LRP1B: variants seen among roughly 807,000 people sequenced by gnomAD.
The protein encoded by LRP1B is low-density lipoprotein receptor-related protein 1B.
Under a neutral mutation model 556.6 loss-of-function variants are expected in LRP1B, and 217 were observed. The ratio of observed to expected loss-of-function variants is 0.39; its 90% CI spans 0.35 to 0.44. The LOEUF is 0.44. Among genes scored for constraint, LRP1B ranks in the 20% least tolerant of loss-of-function variants. The pLI is 1.00. For synonymous variants in LRP1B, 2,047 were observed against 1,865.8 expected, an observed-to-expected ratio of 1.10 and a Z score of -2.50; for missense variants, 5,053 against 5,620.8, an observed-to-expected ratio of 0.90 and a Z score of 3.23.
intron 6 of LRP1B, among the ~76,000 whole-genome samples, chr2:141,207,435 A>G (rs1334026490): frequency 3.9e-5 from 6 of 152,240 alleles, no homozygotes; most frequent in Non-Finnish European, 8.8e-5. Context: ...ATGGTAATGA[A>G]TTATTCTTAC....
At chr2:141,972,319 T>C (rs919975611) in intron 1 of LRP1B, among the ~76,000 whole-genome samples, 1 of 151,576 alleles carries the variant, frequency 6.6e-6, no homozygotes, top group Non-Finnish European at 1.5e-5. Flanking sequence ...TCTCAGATAA[T>C]TGTTAAATGT....
intron 41 of LRP1B, among the ~76,000 whole-genome samples, chr2:140,685,493 T>A (rs772579128): frequency 6.6e-4 from 100 of 152,238 alleles, no homozygotes; most frequent in African/African-American, 2.4e-3. Context: ...TTGTAACTGG[T>A]GAACAGGAGA....
intron 1 of LRP1B, among the ~76,000 whole-genome samples, chr2:142,029,095 C>T (rs763422517): frequency 6.6e-6 from 1 of 151,714 alleles, no homozygotes; most frequent in Non-Finnish European, 1.5e-5. Context: ...AATGACTCTC[C>T]CTCTTCTGTC....
intron 60 of LRP1B, among the ~76,000 whole-genome samples, chr2:140,458,427 A>G (rs16844009): frequency 0.015 from 2,333 of 152,252 alleles, 61 homozygotes; most frequent in African/African-American, 0.051. Flanking sequence ...AAGATATGGT[A>G]AATCTGTTCA....
intron 43 of LRP1B, among the ~76,000 whole-genome samples, chr2:140,565,807 C>T (rs1350911052): frequency 6.6e-6 from 1 of 152,154 alleles, no homozygotes; most frequent in African/African-American, 2.4e-5. Flanking sequence ...CACTTCATTC[C>T]TCTCCTGGGA....
At chr2:140,861,796 A>T (rs984260236) in intron 27 of LRP1B, among the ~76,000 whole-genome samples, 9 of 152,242 alleles carry the variant, frequency 5.9e-5, no homozygotes, top group Non-Finnish European at 1.3e-4. Context: ...TGCCAAATCC[A>T]ATGAATGCAT....
intron 43 of LRP1B, among the ~76,000 whole-genome samples, chr2:140,570,867 T>C (rs1681297515): frequency 1.3e-5 from 2 of 151,888 alleles, no homozygotes; most frequent in Middle Eastern, 3.4e-3. Context: ...GTTCAGTGTA[T>C]GCAAATCAAT....
chr2:140,830,880 C>T (rs1691690465), intron 31 of LRP1B, among the ~76,000 whole-genome samples: 1 of 151,988 alleles, frequency 6.6e-6, no homozygotes, highest in African/African-American at 2.4e-5. Context: ...GGATTTATCA[C>T]ACAATAATCA....
chr2:141,103,341 G>A (rs948126295), intron 7 of LRP1B, among the ~76,000 whole-genome samples: 4 of 152,018 alleles, frequency 2.6e-5, no homozygotes, highest in Non-Finnish European at 5.9e-5. Context: ...AATAAAAGGG[G>A]AATTATTTAA....
In LRP1B at chr2:140,907,961, C is replaced by T. The variant is rs746414504; in HGVS notation, c.3436G>A (p.Asp1146Asn). ...TCTGGCTGCAGGCAGACTGAGGTGT[C>T]ATTAGCACAAGGATGCTTGGGTGGT... is the stretch of plus-strand genomic sequence containing the variant. ...CGPPKHPCAN[D>N]TSVCLQPEKL... Residue 1146 changes from aspartate to asparagine, a missense_variant, in exon 22 of 91, where the codon GAC becomes AAC. By Grantham distance (23) the Asp-to-Asn change is conservative. This residue lies in a region of LRP1B where 3,619 missense variants were observed against 3,931.9 expected (regional missense o/e 0.92). Transcript: ENST00000389484. 6.2e-7 allele frequency: 1 copy of T among 1,613,610 alleles called. No homozygotes were observed. Among genetic ancestry groups the T allele is most frequent in the Non-Finnish European group, 8.5e-7 (1 of 1,179,724 alleles).
intron 3 of LRP1B, among the ~76,000 whole-genome samples, chr2:141,458,319 T>C (rs1189753814): frequency 2.6e-5 from 4 of 152,170 alleles, no homozygotes; most frequent in Non-Finnish European, 4.4e-5. Flanking sequence ...GAAAAGTACT[T>C]AGGACTGTTT....
chr2:141,395,235 C>G (rs1309967333), intron 3 of LRP1B, among the ~76,000 whole-genome samples: 1 of 151,992 alleles, frequency 6.6e-6, no homozygotes, highest in African/African-American at 2.4e-5. Context: ...AGTGATTTAC[C>G]CAGAGCAACT....
chr2:140,278,321 C>G (rs2104960295), intron 84 of LRP1B, among the ~76,000 whole-genome samples: 1 of 152,084 alleles, frequency 6.6e-6, no homozygotes, highest in East Asian at 1.9e-4. Flanking sequence ...TTTAATTGAA[C>G]TGTTTACTTG....
chr2:140,675,025 A>C (rs1574226530), intron 41 of LRP1B, among the ~76,000 whole-genome samples: 1 of 152,142 alleles, frequency 6.6e-6, no homozygotes, highest in African/African-American at 2.4e-5. Context: ...CTAGAGGCTG[A>C]TGGTATTATT....
At chr2:140,907,852 G>A (rs1694301176) in intron 22 of LRP1B, 25 bp downstream of exon 22, 7 of 1,603,892 alleles carry the variant, frequency 4.4e-6, no homozygotes, top group African/African-American at 4.0e-5. Flanking sequence ...TCATGGAGAA[G>A]TCAGTACAAT....
At chr2:141,085,503 C>G (rs797007316) in intron 7 of LRP1B, among the ~76,000 whole-genome samples, 1 of 152,058 alleles carries the variant, frequency 6.6e-6, no homozygotes, top group Non-Finnish European at 1.5e-5. Flanking sequence ...ATGCACACAC[C>G]GAGGAAAGAC....
At chr2:141,766,191 C>G (rs1694727474) in intron 2 of LRP1B, among the ~76,000 whole-genome samples, 1 of 152,082 alleles carries the variant, frequency 6.6e-6, no homozygotes, top group Admixed American at 6.6e-5. Context: ...GATTTTCAGG[C>G]AGCTTAAACA....
chr2:140,275,577 G>C (rs549338675), intron 84 of LRP1B, among the ~76,000 whole-genome samples: 1 of 151,930 alleles, frequency 6.6e-6, no homozygotes, highest in African/African-American at 2.4e-5. Context: ...ACAAACCCAG[G>C]TATTTTCTGC....
chr2:140,990,983 C>T, intron 16 of LRP1B, among the ~76,000 whole-genome samples: 1 of 151,952 alleles, frequency 6.6e-6, no homozygotes, highest in South Asian at 2.1e-4. Flanking sequence ...TTTAAAGTAG[C>T]TTTGTTGATA....
Sources: allele counts gnomAD v4.1 joint callset (sites outside exome capture counted in the v4.1 genomes callset), GRCh38; gene constraint gnomAD v4.1.1; regional missense constraint gnomAD v4.1.1; transcripts MANE v1.5; gene names NCBI Gene and HGNC (gene_info 2026-07-23, HGNC 2026-07-21).